The following HELLS variants were observed in gnomAD, a reference collection of about 807,000 sequenced individuals.
HELLS encodes the protein lymphoid-specific helicase.
A neutral mutation model predicts 120.0 loss-of-function variants in HELLS; 32 were observed. The observed-to-expected ratio is 0.27, with a 90% CI of 0.20 to 0.36. The LOEUF (loss-of-function observed/expected upper bound fraction) is 0.36. Ranked by LOEUF, HELLS falls within the 10% of genes least tolerant of loss-of-function variation. HELLS has a pLI of 1.00. For missense variants in HELLS, 650 were observed against 993.4 expected, an observed-to-expected ratio of 0.65 and a Z score of 4.65; for synonymous variants, 341 against 323.4, an observed-to-expected ratio of 1.05 and a Z score of -0.58.
intron 12 of HELLS, among the ~76,000 whole-genome samples, chr10:94,584,704 A>G (rs940603051): frequency 6.6e-6 from 1 of 152,150 alleles, no homozygotes; most frequent in Non-Finnish European, 1.5e-5. Flanking sequence ...TTTTGATTGA[A>G]CATTTGTAGT....
In HELLS at chr10:94,574,667, T is replaced by A. The variant is rs766016085; in HGVS notation, c.819T>A (p.Pro273=). The change falls in exon 9 of 22, where the codon CCT becomes CCA. Residue 273 remains proline (P), a synonymous_variant. Transcript: ENST00000348459. ...ALMIQRGVPG[P]FLVCGPLSTL... is the part of the protein sequence containing the mutation. Reference sequence around the variant, plus strand: ...TGATTCAGAGAGGAGTACCAGGACCTTTTCTTGTCTGTGGCCCTTTGTCTA... The same window carrying A: ...TGATTCAGAGAGGAGTACCAGGACCATTTCTTGTCTGTGGCCCTTTGTCTA... 2.5e-6 allele frequency: 4 copies of A among 1,613,662 alleles called. No homozygotes were observed. In the Admixed American group the frequency reaches 6.7e-5, roughly 27 times the overall value.
chr10:94,588,475 G>A (rs192301099), intron 13 of HELLS, 85 bp downstream of exon 13: 9 of 986,704 alleles, frequency 9.1e-6, no homozygotes, highest in African/African-American at 5.0e-5. Flanking sequence ...AGAAGGTGTC[G>A]CTCTGTCACC....
intron 12 of HELLS, among the ~76,000 whole-genome samples, chr10:94,585,596 C>T (rs1223315371): frequency 6.6e-6 from 1 of 151,442 alleles, no homozygotes; most frequent in East Asian, 1.9e-4. Context: ...GTTGGCCAGG[C>T]TGGTCTTAAA....
At chr10:94,554,325 C>T (rs1843133199) in intron 3 of HELLS, 77 bp downstream of exon 3, 1 of 1,043,188 alleles carries the variant, frequency 9.6e-7, no homozygotes. Flanking sequence ...ATATTATATA[C>T]AGTAAAATGG....
Position 94,558,016 on chromosome 10 carries a change from G to A in HELLS, c.277-123G>A. On this transcript the variant is annotated intron_variant, in intron 3 of 21. Transcript: ENST00000348459. ...AGGCTTGAAGTACAAGTTCCTCCCT[G>A]GTTTTTAATTATGATAGACCTTAGT... The A allele has an allele frequency of 2.3e-6, 3 of 1,282,582 alleles. No individual in the cohort carries two copies. In the South Asian group the frequency reaches 4.6e-5, roughly 20 times the overall value. The allele number at this position is 1,282,582 out of a possible 1,614,324, so 79.5% of individuals were successfully genotyped here.
At position 94,590,404 on chromosome 10, in the gene HELLS, C is replaced by T. The variant is rs1457039304; in HGVS notation, c.1489-9C>T. On this transcript the variant is annotated splice_polypyrimidine_tract_variant and intron_variant, in intron 13 of 21. Transcript: ENST00000348459. The stretch of plus-strand genomic sequence containing the variant: ...TAAACTGAATTTCTTTTAATTCGTT[C>T]CCTTTTAGAAAGAAACAATTGAGTT... The T allele has an allele frequency of 2.5e-6, 4 of 1,589,124 alleles. No homozygotes were observed. The highest frequency in any genetic ancestry group is 3.4e-6 in the Non-Finnish European group (4 of 1,173,576).
chr10:94,555,983 C>T (rs532730120), intron 3 of HELLS, among the ~76,000 whole-genome samples: 2 of 152,282 alleles, frequency 1.3e-5, no homozygotes, highest in African/African-American at 4.8e-5. Flanking sequence ...GTTCTGTAAG[C>T]TCCTCTAGCA....
At chr10:94,557,998 A>G in intron 3 of HELLS, 141 bp from the exon 4 acceptor site, 2 of 1,081,714 alleles carry the variant, frequency 1.8e-6, no homozygotes, top group Non-Finnish European at 2.5e-6. Flanking sequence ...TAAAGGCTTG[A>G]AGTACAAGTT....
intron 6 of HELLS, 128 bp from the exon 7 acceptor site, chr10:94,571,260 A>G (rs1176484615): frequency 1.4e-6 from 1 of 707,074 alleles, no homozygotes; most frequent in East Asian, 3.1e-5. Flanking sequence ...CCTGAAGGCT[A>G]CTAGTTTTAT....
chr10:94,566,958 T>C (rs1843831433), intron 6 of HELLS, among the ~76,000 whole-genome samples: 1 of 152,190 alleles, frequency 6.6e-6, no homozygotes, highest in Admixed American at 6.5e-5. Context: ...CCTGGTCCCA[T>C]ACCAGTTATT....
At chr10:94,554,037 A>G in intron 2 of HELLS, 89 bp from the exon 3 acceptor site, 1 of 1,193,992 alleles carries the variant, frequency 8.4e-7, no homozygotes, top group Non-Finnish European at 1.2e-6. Flanking sequence ...AAAAAATGTT[A>G]TTTTAGCCAT....
At chr10:94,609,716 C>T (rs1396260504) in intron 9 of HELLS, 1 of 152,178 alleles carries the variant, frequency 6.6e-6, no homozygotes, top group Non-Finnish European at 1.5e-5. Context: ...GTTGAGATGT[C>T]TCACATGAGT....
At chr10:94,595,041 A>C (rs1448387943) in intron 19 of HELLS, among the ~76,000 whole-genome samples, 187 bp downstream of exon 19, 1 of 152,120 alleles carries the variant, frequency 6.6e-6, no homozygotes, top group Non-Finnish European at 1.5e-5. Context: ...CAGGCTGGCC[A>C]AGATGGTGAA....
Position 94,590,738 on chromosome 10 carries a change from A to G in HELLS, c.1729A>G (p.Ile577Val). The change falls in exon 15 of 22, where the codon ATT (isoleucine) becomes GTT (valine). Residue 577 changes from isoleucine to valine, a missense_variant. Ile to Val is a conservative substitution (Grantham distance 29, BLOSUM62 3). Coordinates refer to ENST00000348459, the MANE Select transcript of HELLS (RefSeq NM_018063.5). ...LRKCCNHPYL[I>V]EYPIDPVTQE... is the part of the protein sequence containing the mutation. Reference sequence around the variant, plus strand: ...TAAATGTTGTAATCATCCATATTTGATTGAATATCCTATAGACCCTGTTAC... The same window carrying G: ...TAAATGTTGTAATCATCCATATTTGGTTGAATATCCTATAGACCCTGTTAC... 1.3e-6 allele frequency: 2 copies of G among 1,587,056 alleles called. No individual in the cohort carries two copies. Among genetic ancestry groups the G allele is most frequent in the Non-Finnish European group, 1.7e-6 (2 of 1,156,780 alleles).
chr10:94,601,229 C>G (rs924725554), intron 21 of HELLS, among the ~76,000 whole-genome samples: 1 of 152,078 alleles, frequency 6.6e-6, no homozygotes, highest in Non-Finnish European at 1.5e-5. Flanking sequence ...TTATTTATTG[C>G]TCTTTGACTT....
chr10:94,551,985 C>T (rs561932374), intron 2 of HELLS, among the ~76,000 whole-genome samples: 7 of 152,204 alleles, frequency 4.6e-5, no homozygotes, highest in Non-Finnish European at 8.8e-5. Context: ...GGGATCCGCC[C>T]GCCTCAGCCT....
chr10:94,552,125 A>T (rs1283715766), intron 2 of HELLS, among the ~76,000 whole-genome samples: 1 of 152,240 alleles, frequency 6.6e-6, no homozygotes, highest in African/African-American at 2.4e-5. Context: ...GGAAAGGGGC[A>T]GTTAGATTTT....
intron 21 of HELLS, among the ~76,000 whole-genome samples, chr10:94,601,163 G>A (rs1203223040): frequency 6.6e-6 from 1 of 152,094 alleles, no homozygotes; most frequent in Non-Finnish European, 1.5e-5. Context: ...GCTATTAAAC[G>A]AATCGTGATT....
At chr10:94,582,787 A>G (rs1297315650) in intron 11 of HELLS, among the ~76,000 whole-genome samples, 176 bp from the exon 12 acceptor site, 1 of 152,130 alleles carries the variant, frequency 6.6e-6, no homozygotes, top group Non-Finnish European at 1.5e-5. Flanking sequence ...CAACCAATTT[A>G]TCTTTGTTGT....
Sources: gnomAD v4.1 joint callset for allele counts (sites outside exome capture counted in the v4.1 genomes callset) on GRCh38, gnomAD v4.1.1 for gene constraint, MANE v1.5 for transcripts, NCBI Gene and HGNC (gene_info 2026-07-23, HGNC 2026-07-21) for gene names.